The following MYO16 variants were observed in gnomAD, a reference collection of about 807,000 sequenced individuals.
MYO16 encodes the protein myosin XVI.
Under a neutral mutation model 205.3 loss-of-function variants are expected in MYO16, and 94 were observed. The ratio of observed to expected loss-of-function variants is 0.46; its 90% CI spans 0.39 to 0.54. The LOEUF (loss-of-function observed/expected upper bound fraction) is 0.54. Ranked by LOEUF, MYO16 falls within the 20% of genes least tolerant of loss-of-function variation. The probability of loss-of-function intolerance (pLI) is 0.00; values close to 1 mark genes in which losing one functional copy is unlikely to be tolerated. For missense variants in MYO16, 2,315 were observed against 2,387.5 expected (o/e 0.97, Z 0.63); for synonymous variants, 988 against 954.0 (o/e 1.04, Z -0.66).
intron 23 of MYO16, among the ~76,000 whole-genome samples, chr13:109,020,856 A>C (rs1236653706): frequency 6.6e-6 from 1 of 152,232 alleles, no homozygotes; most frequent in Non-Finnish European, 1.5e-5. Context: ...ATGACAAAGA[A>C]GGAGCATTTG....
At chr13:108,653,482 T>C (rs1258790957) in intron 1 of MYO16, among the ~76,000 whole-genome samples, 1 of 152,130 alleles carries the variant, frequency 6.6e-6, no homozygotes, top group Admixed American at 6.5e-5. Context: ...ATAAATGTCA[T>C]AAAGATTTTT....
intron 31 of MYO16, among the ~76,000 whole-genome samples, chr13:109,136,356 G>A (rs1428541251): frequency 1.3e-5 from 2 of 152,162 alleles, no homozygotes; most frequent in Non-Finnish European, 2.9e-5. Flanking sequence ...GCCTCCCAAA[G>A]TGATGGGATT....
chr13:109,011,941 T>C (rs184239553), intron 22 of MYO16, among the ~76,000 whole-genome samples: 1 of 152,328 alleles, frequency 6.6e-6, no homozygotes, highest in East Asian at 1.9e-4. Context: ...TATGGTTTGG[T>C]AACCTCAGGT....
At chr13:108,873,242 A>G (rs919958610) in intron 12 of MYO16, among the ~76,000 whole-genome samples, 3 of 152,246 alleles carry the variant, frequency 2.0e-5, no homozygotes, top group Non-Finnish European at 4.4e-5. Flanking sequence ...AAAACATTAA[A>G]TATGATTATA....
chr13:108,577,564 T>G, the MYO16 span, among the ~76,000 whole-genome samples: 1 of 152,186 alleles, frequency 6.6e-6, no homozygotes, highest in Admixed American at 6.5e-5. Flanking sequence ...GCTCTACCCT[T>G]CAAGGCCTCA....
chr13:108,682,630 G>T (rs1882509075), intron 2 of MYO16, among the ~76,000 whole-genome samples: 1 of 152,186 alleles, frequency 6.6e-6, no homozygotes, highest in Admixed American at 6.5e-5. Flanking sequence ...TAAGGAACCA[G>T]TCCAGGGAGA....
At chr13:108,805,533 G>A (rs1326114021) in intron 6 of MYO16, among the ~76,000 whole-genome samples, 1 of 151,996 alleles carries the variant, frequency 6.6e-6, no homozygotes, top group African/African-American at 2.4e-5. Context: ...AGATGGCATT[G>A]ATTTTACTAC....
At chr13:109,120,325 G>T in intron 28 of MYO16, 45 bp from the exon 29 acceptor site, 2 of 1,281,806 alleles carry the variant, frequency 1.6e-6, no homozygotes, top group Non-Finnish European at 2.2e-6. Context: ...TCATCATTTT[G>T]GTATCTTCAT....
At chr13:108,588,159 A>G in the MYO16 span, among the ~76,000 whole-genome samples, 3 of 152,188 alleles carry the variant, frequency 2.0e-5, no homozygotes, top group Non-Finnish European at 2.9e-5. Context: ...ATCATCCAAT[A>G]TATTGAATTT....
chr13:108,944,510 G>A (rs1882860614), intron 16 of MYO16, among the ~76,000 whole-genome samples: 1 of 152,126 alleles, frequency 6.6e-6, no homozygotes, highest in Non-Finnish European at 1.5e-5. Context: ...AATGTCTACT[G>A]ATATAAATCT....
At chr13:108,735,548 G>A (rs1884668121) in intron 4 of MYO16, among the ~76,000 whole-genome samples, 1 of 149,062 alleles carries the variant, frequency 6.7e-6, no homozygotes, top group Non-Finnish European at 1.5e-5. Flanking sequence ...ATCATTGATG[G>A]ACATTTGGGT....
At chr13:108,820,547 G>T in intron 8 of MYO16, 135 bp downstream of exon 8, 1 of 687,010 alleles carries the variant, frequency 1.5e-6, no homozygotes, top group Non-Finnish European at 2.5e-6. Context: ...AACCAGCCCA[G>T]TTCAAGCACA....
intron 29 of MYO16, among the ~76,000 whole-genome samples, chr13:109,121,713 T>C (rs528573814): frequency 3.3e-5 from 5 of 152,298 alleles, no homozygotes; most frequent in Non-Finnish European, 7.3e-5. Context: ...CTCAGAGATA[T>C]CACAGTGCAC....
chr13:108,808,515 GT>G (rs1887185503), intron 7 of MYO16, among the ~76,000 whole-genome samples: 1 of 151,790 alleles, frequency 6.6e-6, no homozygotes, highest in Non-Finnish European at 1.5e-5. Context: ...GTTTCGCTAT[GT>G]TGCCCAGGCT....
intron 10 of MYO16, among the ~76,000 whole-genome samples, chr13:108,847,212 G>A (rs887156269): frequency 2.6e-5 from 4 of 152,126 alleles, no homozygotes; most frequent in Admixed American, 2.0e-4. Context: ...ATCTTCACAG[G>A]ATAACTTTTC....
rs553287087 is a variant in MYO16 at position 108,866,445 on chromosome 13, C to T, written c.1425+203C>T. Among the ~76,000 whole-genome samples, 6 of 152,262 alleles carry T rather than the reference C, an allele frequency of 3.9e-5. No homozygotes were observed. The South Asian group carries it at 1.2e-3, about 32-fold the overall frequency. ...GTTATTTTATCAAAATGTTTCTTTG[C>T]ACTTAAAATGTGTAATTTGTTTATG... On this transcript the variant is annotated intron_variant, in intron 12 of 34. Coordinates refer to ENST00000457511, the MANE Select transcript of MYO16 (RefSeq NM_001198950.3).
chr13:108,773,001 C>A (rs1230297894), intron 4 of MYO16, among the ~76,000 whole-genome samples: 1 of 152,114 alleles, frequency 6.6e-6, no homozygotes, highest in Non-Finnish European at 1.5e-5. Context: ...CTGGGAAATC[C>A]AAGATCAAGT....
At chr13:109,171,041 C>A (rs1878903136) in intron 33 of MYO16, among the ~76,000 whole-genome samples, 1 of 152,218 alleles carries the variant, frequency 6.6e-6, no homozygotes, top group Non-Finnish European at 1.5e-5. Flanking sequence ...TTATGCTGAT[C>A]TACTCTTGTG....
chr13:109,061,257 C>T (rs1377325390), intron 27 of MYO16, among the ~76,000 whole-genome samples: 1 of 152,216 alleles, frequency 6.6e-6, no homozygotes, highest in Non-Finnish European at 1.5e-5. Context: ...CACCTTCTTA[C>T]ATTCGTGTGC....
Sources: gnomAD v4.1 joint callset for allele counts (sites outside exome capture counted in the v4.1 genomes callset) on GRCh38, gnomAD v4.1.1 for gene constraint, MANE v1.5 for transcripts, NCBI Gene and HGNC (gene_info 2026-07-23, HGNC 2026-07-21) for gene names.